Variants in REL observed in about 807,000 individuals in gnomAD.
The protein encoded by REL is proto-oncogene c-Rel.
In REL, 15 loss-of-function variants were observed where a neutral mutation model predicts 45.9. The ratio of observed to expected loss-of-function variants is 0.33; its 90% CI spans 0.22 to 0.50. The LOEUF is 0.50. Ranked by LOEUF, REL falls within the 20% of genes least tolerant of loss-of-function variation. The pLI is 0.98. For missense variants in REL, 601 were observed against 715.2 expected (o/e 0.84, Z 1.82); for synonymous variants, 239 against 242.1 (o/e 0.99, Z 0.12).
At chr2:60,912,939 C>A (rs972588573) in intron 4 of REL, among the ~76,000 whole-genome samples, 1 of 151,510 alleles carries the variant, frequency 6.6e-6, no homozygotes, top group African/African-American at 2.4e-5. Flanking sequence ...CAAATATCAG[C>A]TGAAGATGGA....
chr2:60,903,659 G>T (rs184355375), intron 4 of REL, among the ~76,000 whole-genome samples: 1 of 151,956 alleles, frequency 6.6e-6, no homozygotes, highest in Non-Finnish European at 1.5e-5. Context: ...TCAGCCTCTC[G>T]AGTAGTTGGA....
chr2:60,881,734 TG>T lies in REL; in HGVS notation c.-102del. On this transcript the variant is annotated 5_prime_UTR_variant, in exon 1 of 10. Transcript: ENST00000394479. ...GAGGCCTCTAGGGTGGTCGGGGGAC[TG>T]GGGGCCCCGCCGGCAGAGGTCCCTC... 27 of 999,276 alleles carry T rather than the reference TG, an allele frequency of 2.7e-5. No individual in the cohort carries two copies. The highest frequency in any genetic ancestry group is 2.9e-5 in the East Asian group (1 of 34,230). 61.9% of individuals were successfully genotyped at this position (999,276 alleles called of 1,614,324 possible).
At chr2:60,911,574 G>A (rs1358283423) in intron 4 of REL, 1 of 152,176 alleles carries the variant, frequency 6.6e-6, no homozygotes, top group African/African-American at 2.4e-5. Flanking sequence ...GAGATATGAA[G>A]TATGTAGAAA....
At chr2:60,915,276 T>C (rs1437999203) in intron 4 of REL, among the ~76,000 whole-genome samples, 1 of 152,258 alleles carries the variant, frequency 6.6e-6, no homozygotes, top group Non-Finnish European at 1.5e-5. Context: ...TATTGATTAC[T>C]CATCTTTGCA....
intron 3 of REL, among the ~76,000 whole-genome samples, chr2:60,895,061 G>C (rs1346728210): frequency 1.3e-5 from 2 of 151,658 alleles, no homozygotes; most frequent in African/African-American, 2.4e-5. Flanking sequence ...GTTTCTCCAT[G>C]TTGGTCAGGC....
intron 4 of REL, among the ~76,000 whole-genome samples, chr2:60,912,149 C>G (rs970059453): frequency 2.0e-5 from 3 of 151,814 alleles, no homozygotes; most frequent in African/African-American, 7.3e-5. Context: ...AGTATTAATA[C>G]TAATTAAGGC....
intron 3 of REL, among the ~76,000 whole-genome samples, chr2:60,895,732 C>T (rs1272619221): frequency 6.6e-6 from 1 of 152,156 alleles, no homozygotes; most frequent in African/African-American, 2.4e-5. Context: ...AATATTAATG[C>T]CTCTTGAGCC....
intron 3 of REL, among the ~76,000 whole-genome samples, chr2:60,897,457 A>G (rs552451836): frequency 6.6e-6 from 1 of 151,896 alleles, no homozygotes; most frequent in East Asian, 1.9e-4. Context: ...ACAGGCGTGC[A>G]CTACCACACC....
At chr2:60,905,240 A>G (rs1016033890) in intron 4 of REL, among the ~76,000 whole-genome samples, 4 of 151,878 alleles carry the variant, frequency 2.6e-5, no homozygotes, top group Non-Finnish European at 4.4e-5. Flanking sequence ...GACTATAGGC[A>G]CCCGCCACCG....
chr2:60,911,402 G>A (rs1222234978), intron 4 of REL: 1 of 152,136 alleles, frequency 6.6e-6, no homozygotes, highest in African/African-American at 2.4e-5. Context: ...ATGACTTGCA[G>A]TATAGTCAGC....
At chr2:60,914,839 T>TG (rs202151153) in intron 4 of REL, among the ~76,000 whole-genome samples, 1,717 of 150,620 alleles carry the variant, frequency 0.011, 33 homozygotes, top group African/African-American at 0.04. Flanking sequence ...TTTTTTGTTT[T>TG]TTTTTTTTTT....
At chr2:60,892,751 TTTTTTTA>T (rs1284927931) in intron 2 of REL, among the ~76,000 whole-genome samples, 1 of 151,880 alleles carries the variant, frequency 6.6e-6, no homozygotes, top group Admixed American at 6.6e-5. Flanking sequence ...AATTTATTTA[TTTTTTTA>T]TTTTTTATTT....
chr2:60,916,719 A>G (rs934839253), intron 4 of REL, among the ~76,000 whole-genome samples, 158 bp from the exon 5 acceptor site: 5 of 152,234 alleles, frequency 3.3e-5, no homozygotes, highest in African/African-American at 1.2e-4. Flanking sequence ...GATAAGAATG[A>G]TAAAAGGCAT....
At chr2:60,908,350 A>C (rs1347912127) in intron 4 of REL, among the ~76,000 whole-genome samples, 1 of 152,202 alleles carries the variant, frequency 6.6e-6, no homozygotes, top group African/African-American at 2.4e-5. Context: ...GTGTGTTTTA[A>C]GGCCGGCCTT....
intron 5 of REL, 152 bp downstream of exon 5, chr2:60,917,169 T>C (rs1022491349): frequency 4.4e-6 from 3 of 678,152 alleles, no homozygotes; most frequent in African/African-American, 1.8e-5. Context: ...GGAAATCTTC[T>C]CTAATCTCAT....
At chr2:60,894,591 G>A in intron 3 of REL, 46 bp downstream of exon 3, 1 of 1,426,064 alleles carries the variant, frequency 7.0e-7, no homozygotes, top group Non-Finnish European at 9.4e-7. Flanking sequence ...ATAAGACATA[G>A]GATGTTCTGT....
chr2:60,924,652 T>C lies in REL; in HGVS notation c.*2117T>C, dbSNP rs970279334. ...TTGAAGGTAAAACATTAGAGGTTCA[T>C]TGAGAATCTCTAAATCCATGTTTTG... On this transcript the variant is annotated 3_prime_UTR_variant, in exon 10 of 10. Transcript: ENST00000394479. 5 of 213,182 alleles carry C rather than the reference T, an allele frequency of 2.3e-5. No homozygotes were observed. Among genetic ancestry groups the C allele is most frequent in the African/African-American group, 6.8e-5 (3 of 44,290 alleles). 13.2% of individuals were successfully genotyped at this position (213,182 alleles called of 1,614,324 possible).
intron 2 of REL, among the ~76,000 whole-genome samples, chr2:60,892,337 CA>C (rs1673235033): frequency 6.6e-6 from 1 of 152,148 alleles, no homozygotes. Context: ...TTTATAAATG[CA>C]GTTTTTTCAC....
chr2:60,882,142 G>A (rs1320719550), intron 1 of REL, among the ~76,000 whole-genome samples: 1 of 152,166 alleles, frequency 6.6e-6, no homozygotes, highest in East Asian at 1.9e-4. Context: ...AGGACGAAGA[G>A]TTCTCATTAA....
Sources: allele counts gnomAD v4.1 joint callset (sites outside exome capture counted in the v4.1 genomes callset), GRCh38; gene constraint gnomAD v4.1.1; transcripts MANE v1.5; gene names NCBI Gene and HGNC (gene_info 2026-07-23, HGNC 2026-07-21).